OTOGL: variants seen among roughly 807,000 people sequenced by gnomAD.
The protein encoded by OTOGL is otogelin like.
In OTOGL, 285 loss-of-function variants were observed where a neutral mutation model predicts 318.5. The ratio of observed to expected loss-of-function variants is 0.89; its 90% CI spans 0.81 to 0.99. The LOEUF is 0.99. Among genes scored for constraint, OTOGL ranks in the 50% least tolerant of loss-of-function variants. OTOGL has a pLI of 0.00. For missense variants in OTOGL, 2,899 were observed against 2,845.6 expected, an observed-to-expected ratio of 1.02 and a Z score of -0.43; for synonymous variants, 987 against 936.5, an observed-to-expected ratio of 1.05 and a Z score of -0.99.
intron 1 of OTOGL, among the ~76,000 whole-genome samples, chr12:80,158,978 A>T (rs1873313969): frequency 6.6e-6 from 1 of 152,094 alleles, no homozygotes; most frequent in Non-Finnish European, 1.5e-5. Flanking sequence ...TTTGTCATAG[A>T]TAGCTTTTAT....
chr12:80,312,188 TC>T (rs1886678483), intron 30 of OTOGL, among the ~76,000 whole-genome samples: 2 of 152,204 alleles, frequency 1.3e-5, no homozygotes. Context: ...AAGTACTCCT[TC>T]CTTTCCAACT....
intron 1 of OTOGL, among the ~76,000 whole-genome samples, chr12:80,102,694 T>G (rs1418509974): frequency 6.6e-6 from 1 of 152,126 alleles, no homozygotes; most frequent in African/African-American, 2.4e-5. Context: ...GAAAAATATG[T>G]CAGACTGTGT....
intron 26 of OTOGL, among the ~76,000 whole-genome samples, chr12:80,289,440 T>G (rs1884876147): frequency 6.6e-6 from 1 of 152,202 alleles, no homozygotes; most frequent in Non-Finnish European, 1.5e-5. Context: ...TGAGATCCGC[T>G]GCTCTCGTCA....
At chr12:80,154,992 T>C (rs1873024241) in intron 1 of OTOGL, among the ~76,000 whole-genome samples, 1 of 152,240 alleles carries the variant, frequency 6.6e-6, no homozygotes, top group Admixed American at 6.5e-5. Flanking sequence ...TATGTAGTGG[T>C]ATCACATTAT....
At chr12:80,354,971 T>C (rs1355574727) in intron 46 of OTOGL, among the ~76,000 whole-genome samples, 1 of 152,178 alleles carries the variant, frequency 6.6e-6, no homozygotes, top group Non-Finnish European at 1.5e-5. Flanking sequence ...TGAATTTTCA[T>C]ATGATGTAAA....
intron 35 of OTOGL, among the ~76,000 whole-genome samples, chr12:80,324,731 A>G (rs1192431783): frequency 6.6e-6 from 1 of 152,204 alleles, no homozygotes; most frequent in Non-Finnish European, 1.5e-5. Context: ...CAGATTTAAT[A>G]TCATTTATGA....
intron 44 of OTOGL, among the ~76,000 whole-genome samples, chr12:80,349,284 A>G (rs890455550): frequency 3.3e-5 from 5 of 152,184 alleles, no homozygotes; most frequent in African/African-American, 9.7e-5. Context: ...TTTTTTCTGT[A>G]CATTTTCCAT....
chr12:80,322,601 T>C (rs1288172658), intron 34 of OTOGL, among the ~76,000 whole-genome samples: 1 of 152,196 alleles, frequency 6.6e-6, no homozygotes, highest in Non-Finnish European at 1.5e-5. Context: ...CCAAGAAACA[T>C]ACCTGCTTCC....
At chr12:80,203,702 C>G (rs1876616626) in intron 1 of OTOGL, among the ~76,000 whole-genome samples, 1 of 152,126 alleles carries the variant, frequency 6.6e-6, no homozygotes, top group Non-Finnish European at 1.5e-5. Context: ...TGTTTCTTTC[C>G]CCTCCAGTGG....
At chr12:80,270,216 G>A in intron 23 of OTOGL, 62 bp downstream of exon 23, 1 of 1,367,872 alleles carries the variant, frequency 7.3e-7, no homozygotes, top group Non-Finnish European at 1.0e-6. Context: ...CTCCACTCCT[G>A]GCAGAAGTCA....
At chr12:80,355,610 A>G in intron 46 of OTOGL, 126 bp from the exon 47 acceptor site, 1 of 696,698 alleles carries the variant, frequency 1.4e-6, no homozygotes, top group Non-Finnish European at 2.3e-6. Flanking sequence ...AATCTGAGAA[A>G]AACAATAGAC....
At chr12:80,324,687 C>T (rs1222147648) in intron 35 of OTOGL, among the ~76,000 whole-genome samples, 1 of 152,064 alleles carries the variant, frequency 6.6e-6, no homozygotes, top group East Asian at 1.9e-4. Context: ...GGGATTTGAC[C>T]AGGTTGGTGG....
In OTOGL at chr12:80,317,618, A is replaced by G. The variant is rs1887056039; in HGVS notation, c.3635-928A>G. Among the ~76,000 whole-genome samples, 6 of 152,242 alleles carry G rather than the reference A, an allele frequency of 3.9e-5. 1 individual carries two copies. In the South Asian group the frequency reaches 1.2e-3, roughly 32 times the overall value. On this transcript the variant is annotated intron_variant, in intron 32 of 58. Transcript: ENST00000547103. Reference sequence around the variant, plus strand: ...CACTTATTATTTGTATATTATTCACATATTTGTACAAATCTACATATTTAT... The same window carrying G: ...CACTTATTATTTGTATATTATTCACGTATTTGTACAAATCTACATATTTAT...
Position 80,368,224 on chromosome 12 carries a change from C to T in OTOGL, c.6530C>T (p.Ser2177Phe). The T allele has an allele frequency of 4.4e-6, 7 of 1,600,404 alleles. No homozygotes were observed. The highest frequency in any genetic ancestry group is 6.0e-6 in the Non-Finnish European group (7 of 1,171,704). The stretch of plus-strand genomic sequence containing the variant: ...ATGCAGCACCAGGTATATACTCCAT[C>T]CCCAAGTGATTATGGTTGTTGTGGT... ...KCDVHQVYTPSPSDYGCCGTC... is the reference protein window; with the variant it reads ...KCDVHQVYTPFPSDYGCCGTC... Residue 2177 changes from serine (S) to phenylalanine (F), a missense_variant, in exon 55 of 59, where the codon TCC becomes TTC. Transcript: ENST00000547103.
Position 80,254,586 on chromosome 12 carries a change from GT to G in OTOGL, c.1441+21del. On this transcript the variant is annotated intron_variant, in intron 15 of 58. Coordinates refer to ENST00000547103, the MANE Select transcript of OTOGL (RefSeq NM_001378609.3). ...GACTGTCCAGGTAATTTTTTAAAAT[GT>G]TTTTATAGAGAATGTTTCAAATTTC... is the stretch of plus-strand genomic sequence containing the variant. The G allele has an allele frequency of 1.3e-6, 2 of 1,593,494 alleles. No individual in the cohort carries two copies. The highest frequency in any genetic ancestry group is 1.7e-6 in the Non-Finnish European group (2 of 1,164,244).
chr12:80,301,453 T>C (rs1482502915), intron 27 of OTOGL, among the ~76,000 whole-genome samples: 1 of 152,318 alleles, frequency 6.6e-6, no homozygotes, highest in East Asian at 1.9e-4. Context: ...ATGTGATAAT[T>C]ACTCTGGATA....
At chr12:80,185,719 C>T (rs1875243419) in intron 1 of OTOGL, among the ~76,000 whole-genome samples, 1 of 152,194 alleles carries the variant, frequency 6.6e-6, no homozygotes, top group African/African-American at 2.4e-5. Context: ...TTTTACTTTA[C>T]TGCCTAGCAT....
chr12:80,201,370 T>G (rs1592540496), intron 1 of OTOGL, among the ~76,000 whole-genome samples: 1 of 151,784 alleles, frequency 6.6e-6, no homozygotes, highest in Non-Finnish European at 1.5e-5. Context: ...TGGTGGAAGG[T>G]GTAGGGGGAG....
intron 40 of OTOGL, 34 bp downstream of exon 40, chr12:80,336,589 C>A: frequency 6.3e-7 from 1 of 1,580,150 alleles, no homozygotes; most frequent in South Asian, 1.1e-5. Context: ...GTCATTTCAT[C>A]ATAAATCTAT....
Sources: gnomAD v4.1 joint callset for allele counts (sites outside exome capture counted in the v4.1 genomes callset) on GRCh38, gnomAD v4.1.1 for gene constraint, MANE v1.5 for transcripts, NCBI Gene and HGNC (gene_info 2026-07-23, HGNC 2026-07-21) for gene names.